Variants in GLIS1 observed in about 807,000 individuals in gnomAD.
GLIS1 encodes GLIS family zinc finger 1.
In GLIS1, 24 loss-of-function variants were observed where a neutral mutation model predicts 63.8. The ratio of observed to expected loss-of-function variants is 0.38; its 90% CI spans 0.27 to 0.53. The LOEUF (loss-of-function observed/expected upper bound fraction) is 0.53, where lower values mean the gene tolerates loss of function less well. Among genes scored for constraint, GLIS1 ranks in the 20% least tolerant of loss-of-function variants. The pLI is 0.85. For synonymous variants in GLIS1, 450 were observed against 482.5 expected, an observed-to-expected ratio of 0.93 and a Z score of 0.88; for missense variants, 1,036 against 1,074.1, an observed-to-expected ratio of 0.96 and a Z score of 0.50.
intron 4 of GLIS1, among the ~76,000 whole-genome samples, chr1:53,542,837 G>C (rs1445173128): frequency 6.6e-6 from 1 of 152,222 alleles, no homozygotes; most frequent in Admixed American, 6.5e-5. Context: ...ATCCAGGCAG[G>C]ACTCTGGCTG....
At chr1:53,628,617 G>A (rs944725730) in intron 2 of GLIS1, among the ~76,000 whole-genome samples, 47 of 152,046 alleles carry the variant, frequency 3.1e-4, no homozygotes, top group African/African-American at 1.1e-3. Flanking sequence ...CTCAGAAGCC[G>A]AAGCCACTTG....
At chr1:53,636,065 AAAGGGGGAATACTCTCC>A in intron 2 of GLIS1, among the ~76,000 whole-genome samples, 1 of 152,324 alleles carries the variant, frequency 6.6e-6, no homozygotes, top group South Asian at 2.1e-4. Context: ...GAGACTAGAA[AAAGGGGGAATACTCTCC>A]AGTTCACTGT....
chr1:53,667,292 G>A (rs929508037), intron 2 of GLIS1, among the ~76,000 whole-genome samples: 1 of 152,164 alleles, frequency 6.6e-6, no homozygotes, highest in Admixed American at 6.5e-5. Context: ...GCTCCATGAG[G>A]GCCTCACATC....
At chr1:53,621,702 A>T (rs1263133396) in intron 2 of GLIS1, among the ~76,000 whole-genome samples, 3 of 152,044 alleles carry the variant, frequency 2.0e-5, no homozygotes, top group African/African-American at 7.2e-5. Flanking sequence ...GCATTTAAAA[A>T]ATATATTAAA....
At position 53,598,259 on chromosome 1, in the gene GLIS1, A is replaced by G. The variant is rs1645279583; in HGVS notation, c.437+1842T>C. Among the ~76,000 whole-genome samples, 1 of 152,116 alleles carries G rather than the reference A, an allele frequency of 6.6e-6. No homozygotes were observed. Among genetic ancestry groups the G allele is most frequent in the East Asian group, 1.9e-4 (1 of 5,184 alleles). On this transcript the variant is annotated intron_variant, in intron 3 of 10. Transcript: ENST00000628545. The surrounding 1 kb of genome is among the most constrained non-coding windows in gnomAD (Gnocchi z 4.6). ...AGGACAGGTGTTCTTATAAGAAATG[A>G]GGGCCGGGCACGGTGGCTCACGCCT...
intron 2 of GLIS1, among the ~76,000 whole-genome samples, chr1:53,612,889 A>AGTGGCACGATCTCGG (rs1645440539): frequency 6.7e-6 from 1 of 149,784 alleles, no homozygotes; most frequent in Non-Finnish European, 1.5e-5. Flanking sequence ...CACGATCTCG[A>AGTGGCACGATCTCGG]CTCACAGCAA....
chr1:53,677,093 C>T (rs1253786986), intron 2 of GLIS1, among the ~76,000 whole-genome samples: 2 of 152,204 alleles, frequency 1.3e-5, no homozygotes, highest in African/African-American at 4.8e-5. Context: ...TCCCCTGTCC[C>T]GCTACCCTTG....
chr1:53,602,530 C>T (rs1479839823), intron 2 of GLIS1, among the ~76,000 whole-genome samples: 4 of 152,166 alleles, frequency 2.6e-5, no homozygotes, highest in Admixed American at 2.0e-4. Flanking sequence ...GGTTACTCCT[C>T]CCCTCCTGCA....
chr1:53,657,004 C>T (rs1157455316), intron 2 of GLIS1, among the ~76,000 whole-genome samples: 1 of 128,060 alleles, frequency 7.8e-6, no homozygotes, highest in Non-Finnish European at 1.7e-5. Context: ...AATCAATGAG[C>T]TGAGGGACAG....
At chr1:53,609,486 G>A (rs1195565493) in intron 2 of GLIS1, among the ~76,000 whole-genome samples, 4 of 152,002 alleles carry the variant, frequency 2.6e-5, no homozygotes, top group African/African-American at 9.7e-5. Flanking sequence ...GGCCAGGCTG[G>A]TCTTGAACTC....
Position 53,511,733 on chromosome 1 carries a change from G to A in GLIS1, c.1884-1706C>T, listed in dbSNP as rs1644300364. Among the ~76,000 whole-genome samples the A allele has an allele frequency of 6.6e-6, 1 of 152,224 alleles. No homozygotes were observed. The highest frequency in any genetic ancestry group is 1.5e-5 in the Non-Finnish European group (1 of 68,034). ...TGCACTAGAAACCGTGGACAGCTGT[G>A]CACGAGCTGTGTGTTCTCATGACCA... On this transcript the variant is annotated intron_variant, in intron 8 of 10. Coordinates refer to ENST00000628545, the MANE Select transcript of GLIS1 (RefSeq NM_001367484.1). This position sits in a 1 kb window ranked among gnomAD's most constrained non-coding sequence, Gnocchi z 4.2.
At chr1:53,533,491 C>T (rs1644551683) in intron 4 of GLIS1, among the ~76,000 whole-genome samples, 1 of 152,246 alleles carries the variant, frequency 6.6e-6, no homozygotes, top group Non-Finnish European at 1.5e-5. Flanking sequence ...CCTTGTTCTG[C>T]TCCCCGCCCC....
chr1:53,537,197 A>AG (rs1644589861), intron 4 of GLIS1, among the ~76,000 whole-genome samples: 2 of 152,050 alleles, frequency 1.3e-5, no homozygotes, highest in African/African-American at 4.8e-5. Context: ...TGGCTTGGGG[A>AG]GGGGGAGGGC....
intron 4 of GLIS1, among the ~76,000 whole-genome samples, chr1:53,562,026 T>A (rs915796561): frequency 1.3e-5 from 2 of 152,166 alleles, no homozygotes; most frequent in African/African-American, 2.4e-5. Context: ...CGTCTTCCCA[T>A]GTTACCCATG....
In GLIS1 at chr1:53,649,684, T is replaced by C. The variant is rs1307228120; in HGVS notation, c.260-49406A>G. Reference sequence around the variant, plus strand: ...TGTGGTTGTCATTTCAGACGGTTCATCTTGCAAACAGATGATGTAAACTTA... The same window carrying C: ...TGTGGTTGTCATTTCAGACGGTTCACCTTGCAAACAGATGATGTAAACTTA... On this transcript the variant is annotated intron_variant, in intron 2 of 10. Transcript: ENST00000628545. 3.9e-5 allele frequency among the ~76,000 whole-genome samples: 6 copies of C among 152,326 alleles called. No homozygotes were observed. In the Middle Eastern group the frequency reaches 0.01, roughly 259 times the overall value.
chr1:53,562,523 C>T (rs1450359716), intron 4 of GLIS1, among the ~76,000 whole-genome samples: 1 of 152,152 alleles, frequency 6.6e-6, no homozygotes, highest in East Asian at 1.9e-4. Context: ...GCCGAACTGG[C>T]TCAACATCAC....
intron 2 of GLIS1, among the ~76,000 whole-genome samples, chr1:53,631,315 T>C (rs1645649590): frequency 6.6e-6 from 1 of 152,234 alleles, no homozygotes; most frequent in Non-Finnish European, 1.5e-5. Flanking sequence ...CAAGATAATG[T>C]AGGTGAGGAT....
chr1:53,691,240 C>G (rs1256097038), intron 2 of GLIS1, among the ~76,000 whole-genome samples: 1 of 152,130 alleles, frequency 6.6e-6, no homozygotes, highest in African/African-American at 2.4e-5. Context: ...CCGCTGTGTC[C>G]CTCCAGCTGT....
At position 53,598,051 on chromosome 1, in the gene GLIS1, G is replaced by A. The variant is rs918527168; in HGVS notation, c.437+2050C>T. On this transcript the variant is annotated intron_variant, in intron 3 of 10. Coordinates refer to ENST00000628545, the MANE Select transcript of GLIS1 (RefSeq NM_001367484.1). The surrounding 1 kb of genome is among the most constrained non-coding windows in gnomAD (Gnocchi z 4.6). Reference sequence around the variant, plus strand: ...ATCCAGCAGATAAATGCATTTGACTGTCACCAAACAATGCACGGCTCAAAA... The same window carrying A: ...ATCCAGCAGATAAATGCATTTGACTATCACCAAACAATGCACGGCTCAAAA... Among the ~76,000 whole-genome samples the A allele has an allele frequency of 6.6e-6, 1 of 152,168 alleles. No individual in the cohort carries two copies. The highest frequency in any genetic ancestry group is 2.4e-5 in the African/African-American group (1 of 41,450).
Sources: allele counts gnomAD v4.1 joint callset (sites outside exome capture counted in the v4.1 genomes callset), GRCh38; gene constraint gnomAD v4.1.1; non-coding constraint Gnocchi (gnomAD v3.1); transcripts MANE v1.5; gene names NCBI Gene and HGNC (gene_info 2026-07-23, HGNC 2026-07-21).